Variants in CFTR observed in about 807,000 individuals in gnomAD.
CFTR encodes the protein CF transmembrane conductance regulator.
A neutral mutation model predicts 171.6 loss-of-function variants in CFTR; 181 were observed. The observed-to-expected ratio is 1.05, with a 90% CI of 0.93 to 1.19. The LOEUF is 1.19. Among genes scored for constraint, CFTR ranks in the 50% most tolerant of loss-of-function variants. CFTR has a pLI of 0.00. For synonymous variants in CFTR, 583 were observed against 608.0 expected (o/e 0.96, Z 0.60); for missense variants, 1,968 against 1,734.7 (o/e 1.13, Z -2.39).
In CFTR at chr7:117,606,893, G is replaced by A. The variant is rs541379164; in HGVS notation, c.2988+140G>A. On this transcript the variant is annotated intron_variant, in intron 18 of 26. Transcript: ENST00000003084. Reference sequence around the variant, plus strand: ...TGCATTAATTTTGTAATTATCCAAAGCCTTCAAAATAGACATAAGTTTAGT... The same window carrying A: ...TGCATTAATTTTGTAATTATCCAAAACCTTCAAAATAGACATAAGTTTAGT... 3 of 691,898 alleles carry A rather than the reference G, an allele frequency of 4.3e-6. No homozygotes were observed. In the African/African-American group the frequency reaches 5.4e-5, roughly 12 times the overall value. The allele number at this position is 691,898 out of a possible 1,614,324, so 42.9% of individuals were successfully genotyped here. A position where few individuals can be genotyped will look rare whatever the true frequency, so the allele number is the denominator to read the frequency against.
chr7:117,509,167 T>C lies in CFTR; in HGVS notation c.273+25T>C, dbSNP rs750256100. The C allele has an allele frequency of 4.1e-6, 5 of 1,221,242 alleles. No homozygotes were observed. The South Asian group carries it at 6.0e-5, about 15-fold the overall frequency. The allele number at this position is 1,221,242 out of a possible 1,614,324, so 75.7% of individuals were successfully genotyped here. On this transcript the variant is annotated intron_variant, in intron 3 of 26. Transcript: ENST00000003084. ...GGTAAGGATCTCATTTGTACATTCA[T>C]TATGTATCACATAACTATATTCATT...
intron 22 of CFTR, among the ~76,000 whole-genome samples, chr7:117,631,445 G>C (rs925986485): frequency 1.3e-5 from 2 of 152,278 alleles, no homozygotes; most frequent in South Asian, 4.1e-4. Context: ...GGAAAGGCTG[G>C]TTGTCAGGGG....
chr7:117,639,629 A>C (rs1483621910), intron 22 of CFTR, among the ~76,000 whole-genome samples: 1 of 152,192 alleles, frequency 6.6e-6, no homozygotes, highest in African/African-American at 2.4e-5. Context: ...GAAAATACAG[A>C]AATTTCAGAA....
At chr7:117,499,462 T>TGTGTGTG (rs1554375131) in intron 1 of CFTR, among the ~76,000 whole-genome samples, 2 of 149,266 alleles carry the variant, frequency 1.3e-5, no homozygotes, top group Non-Finnish European at 3.0e-5. Flanking sequence ...TGTGTGTGTG[T>TGTGTGTG]TTAAAAAATC....
chr7:117,507,309 T>C (rs1257679452), intron 2 of CFTR, among the ~76,000 whole-genome samples: 2 of 152,176 alleles, frequency 1.3e-5, no homozygotes, highest in African/African-American at 4.8e-5. Context: ...CATTCTCTGC[T>C]CTCCTGGTCT....
At chr7:117,574,789 C>T (rs1264153593) in intron 11 of CFTR, among the ~76,000 whole-genome samples, 1 of 152,028 alleles carries the variant, frequency 6.6e-6, no homozygotes, top group African/African-American at 2.4e-5. Context: ...ATATAGTTAT[C>T]TATGAACAAT....
intron 2 of CFTR, among the ~76,000 whole-genome samples, chr7:117,506,790 G>A (rs35173620): frequency 4.6e-5 from 7 of 151,920 alleles, no homozygotes; most frequent in African/African-American, 7.3e-5. Context: ...AAACCCATAC[G>A]TTCTATTATT....
At chr7:117,587,697 C>G (rs757770036) in intron 11 of CFTR, 42 bp from the exon 12 acceptor site, 9 of 1,080,094 alleles carry the variant, frequency 8.3e-6, no homozygotes, top group Non-Finnish European at 1.3e-5. Context: ...TCAGATTGAG[C>G]ATACTAAAAG....
At chr7:117,583,589 G>T (rs1791884492) in intron 11 of CFTR, among the ~76,000 whole-genome samples, 1 of 151,370 alleles carries the variant, frequency 6.6e-6, no homozygotes, top group South Asian at 2.1e-4. Flanking sequence ...AGGCATTTAG[G>T]TTGGACCCAT....
At chr7:117,512,085 A>G (rs1798528465) in intron 3 of CFTR, among the ~76,000 whole-genome samples, 1 of 152,238 alleles carries the variant, frequency 6.6e-6, no homozygotes, top group Non-Finnish European at 1.5e-5. Context: ...GTCCCTCTAA[A>G]CAATGATAGT....
At chr7:117,598,838 G>C (rs922311026) in intron 15 of CFTR, among the ~76,000 whole-genome samples, 3 of 152,094 alleles carry the variant, frequency 2.0e-5, no homozygotes, top group Non-Finnish European at 4.4e-5. Flanking sequence ...ATACAATGGA[G>C]ATTTTAATAG....
intron 1 of CFTR, among the ~76,000 whole-genome samples, chr7:117,494,709 A>G (rs1798211361): frequency 6.6e-6 from 1 of 152,180 alleles, no homozygotes; most frequent in Admixed American, 6.6e-5. Context: ...GAGGTCTAGA[A>G]AAAGAGAGGA....
chr7:117,550,211 G>A (rs1187893028), intron 10 of CFTR, among the ~76,000 whole-genome samples: 2 of 151,876 alleles, frequency 1.3e-5, no homozygotes, highest in Non-Finnish European at 2.9e-5. Context: ...GTGTGGTGGT[G>A]TGTGCCTGTA....
At chr7:117,586,774 CT>C (rs3216281) in intron 11 of CFTR, among the ~76,000 whole-genome samples, 208 of 142,830 alleles carry the variant, frequency 1.5e-3, no homozygotes, top group Middle Eastern at 7.2e-3. Context: ...GGGAGAGAGA[CT>C]TTTTTTTTTT....
intron 8 of CFTR, among the ~76,000 whole-genome samples, chr7:117,541,211 C>T (rs1197847791): frequency 2.6e-5 from 4 of 151,980 alleles, no homozygotes; most frequent in East Asian, 3.9e-4. Flanking sequence ...TGGGAATCAT[C>T]TTGTCTTCTG....
intron 15 of CFTR, among the ~76,000 whole-genome samples, chr7:117,596,632 A>G (rs529160637): frequency 5.9e-5 from 9 of 152,336 alleles, no homozygotes; most frequent in Middle Eastern, 3.4e-3. Flanking sequence ...TAAATACACC[A>G]ATCAGCACTC....
intron 6 of CFTR, 42 bp downstream of exon 6, chr7:117,535,453 G>A (rs1473248218): frequency 1.3e-6 from 2 of 1,579,662 alleles, no homozygotes; most frequent in African/African-American, 1.4e-5. Context: ...TAAAAATTAT[G>A]TTTTCAAAAA....
At chr7:117,543,363 G>A (rs1017754177) in intron 9 of CFTR, among the ~76,000 whole-genome samples, 3 of 151,932 alleles carry the variant, frequency 2.0e-5, no homozygotes, top group African/African-American at 4.8e-5. Context: ...TGTCTTCGTC[G>A]GCATGAAGGA....
intron 24 of CFTR, among the ~76,000 whole-genome samples, chr7:117,654,229 G>T (rs570818101): frequency 6.6e-5 from 10 of 152,158 alleles, no homozygotes; most frequent in Non-Finnish European, 1.2e-4. Context: ...AGCCTTCATA[G>T]CTCCACTGGG....
Sources: gnomAD v4.1 joint callset for allele counts (sites outside exome capture counted in the v4.1 genomes callset) on GRCh38, gnomAD v4.1.1 for gene constraint, MANE v1.5 for transcripts, NCBI Gene and HGNC (gene_info 2026-07-23, HGNC 2026-07-21) for gene names.